Variants in TENM4 observed in about 807,000 individuals in gnomAD.
The protein encoded by TENM4 is teneurin-4.
TENM4 carries 82 observed loss-of-function variants against 243.3 expected under a neutral mutation model. The observed-to-expected ratio is 0.34, with a 90% CI of 0.28 to 0.40. TENM4 has a LOEUF of 0.40. Among genes scored for constraint, TENM4 ranks in the 10% least tolerant of loss-of-function variants. The probability of loss-of-function intolerance (pLI) is 1.00; values close to 1 mark genes in which losing one functional copy is unlikely to be tolerated. For synonymous variants in TENM4, 1,412 were observed against 1,456.3 expected (o/e 0.97, Z 0.69); for missense variants, 3,138 against 3,673.3 (o/e 0.85, Z 3.77).
intron 2 of TENM4, among the ~76,000 whole-genome samples, chr11:79,261,741 A>G (rs796810736): frequency 2.0e-5 from 3 of 152,288 alleles, no homozygotes; most frequent in African/African-American, 7.2e-5. Context: ...GAAACCATTT[A>G]AAAAGCACAG....
intron 6 of TENM4, among the ~76,000 whole-genome samples, chr11:79,033,848 T>C (rs976073275): frequency 6.6e-6 from 1 of 152,238 alleles, no homozygotes; most frequent in African/African-American, 2.4e-5. Flanking sequence ...CCTAAAAAGA[T>C]ACAAATAAAC....
At chr11:78,703,513 T>A (rs1262022414) in intron 27 of TENM4, among the ~76,000 whole-genome samples, 2 of 152,128 alleles carry the variant, frequency 1.3e-5, no homozygotes, top group Non-Finnish European at 2.9e-5. Flanking sequence ...GAAACTGGCA[T>A]AGGTCATGGT....
intron 6 of TENM4, among the ~76,000 whole-genome samples, chr11:79,038,720 G>C (rs1301825579): frequency 6.6e-6 from 1 of 152,226 alleles, no homozygotes; most frequent in Non-Finnish European, 1.5e-5. Context: ...AACAGAGAAA[G>C]CCAAGACCTC....
chr11:78,995,707 T>C (rs1338039235), intron 6 of TENM4, among the ~76,000 whole-genome samples: 1 of 151,580 alleles, frequency 6.6e-6, no homozygotes, highest in Non-Finnish European at 1.5e-5. Flanking sequence ...TTTTTTTTTT[T>C]CTTAATATAT....
chr11:79,242,727 A>C (rs1456624522), intron 2 of TENM4, among the ~76,000 whole-genome samples: 1 of 152,228 alleles, frequency 6.6e-6, no homozygotes, highest in African/African-American at 2.4e-5. Context: ...TTTTTCACTC[A>C]CATAAATAAA....
chr11:79,146,173 A>C (rs564535191), intron 4 of TENM4, among the ~76,000 whole-genome samples: 2 of 152,006 alleles, frequency 1.3e-5, no homozygotes, highest in Non-Finnish European at 2.9e-5. Flanking sequence ...ACAACCCACA[A>C]TTTGAAGCAC....
intron 12 of TENM4, among the ~76,000 whole-genome samples, chr11:78,850,698 G>A (rs1858515165): frequency 6.6e-6 from 1 of 152,212 alleles, no homozygotes; most frequent in Non-Finnish European, 1.5e-5. Flanking sequence ...AAAGGTGGAA[G>A]GAGAAAGAGG....
intron 12 of TENM4, among the ~76,000 whole-genome samples, chr11:78,846,056 G>A (rs1447774158): frequency 1.3e-5 from 2 of 152,168 alleles, no homozygotes; most frequent in African/African-American, 2.4e-5. Context: ...AGGGTATAAA[G>A]ACACACATGG....
chr11:78,750,758 C>T (rs1466882378), intron 19 of TENM4, among the ~76,000 whole-genome samples: 1 of 152,184 alleles, frequency 6.6e-6, no homozygotes, highest in African/African-American at 2.4e-5. Flanking sequence ...GCATGGGACC[C>T]ACAAAGAGCC....
intron 6 of TENM4, among the ~76,000 whole-genome samples, chr11:79,032,136 T>C (rs1362508249): frequency 6.6e-6 from 1 of 152,218 alleles, no homozygotes; most frequent in African/African-American, 2.4e-5. Context: ...TATAAGCAGA[T>C]AACTACCATC....
At chr11:79,136,860 C>T (rs1037923951) in intron 4 of TENM4, among the ~76,000 whole-genome samples, 2 of 152,148 alleles carry the variant, frequency 1.3e-5, no homozygotes, top group Non-Finnish European at 2.9e-5. Flanking sequence ...CATCCTAAAG[C>T]AGCTGGATTG....
intron 3 of TENM4, among the ~76,000 whole-genome samples, chr11:79,159,472 TC>T (rs1223446852): frequency 6.6e-6 from 1 of 152,222 alleles, no homozygotes; most frequent in Non-Finnish European, 1.5e-5. Context: ...TTTTCAAATG[TC>T]TTGTTTTCAA....
intron 1 of TENM4, among the ~76,000 whole-genome samples, chr11:79,436,835 C>G (rs1859281161): frequency 6.6e-6 from 1 of 152,196 alleles, no homozygotes; most frequent in African/African-American, 2.4e-5. Context: ...CCAAAGCTCT[C>G]CGTCCCTGAT....
intron 1 of TENM4, among the ~76,000 whole-genome samples, chr11:79,325,871 A>C (rs1438855589): frequency 3.3e-5 from 5 of 152,178 alleles, no homozygotes; most frequent in African/African-American, 7.2e-5. Flanking sequence ...TACCATCCTT[A>C]AGAGAGCATG....
chr11:79,016,617 T>C (rs9804612), intron 6 of TENM4, among the ~76,000 whole-genome samples: 48,313 of 152,060 alleles, frequency 0.32, 8,973 homozygotes, highest in Non-Finnish European at 0.42. Flanking sequence ...ATTTAAAGCA[T>C]GGAAACGAGA....
chr11:78,922,254 G>A (rs573555721), intron 6 of TENM4, among the ~76,000 whole-genome samples: 1 of 152,340 alleles, frequency 6.6e-6, no homozygotes, highest in South Asian at 2.1e-4. Flanking sequence ...GACAGCATGA[G>A]GAAAGGCAGG....
intron 1 of TENM4, among the ~76,000 whole-genome samples, chr11:79,362,594 A>G (rs1857608568): frequency 6.6e-6 from 1 of 152,234 alleles, no homozygotes; most frequent in Admixed American, 6.5e-5. Flanking sequence ...TGAACAAAGC[A>G]ATGCCTGGGG....
intron 6 of TENM4, among the ~76,000 whole-genome samples, chr11:78,918,587 A>G (rs138594665): frequency 2.0e-5 from 3 of 152,292 alleles, no homozygotes; most frequent in African/African-American, 7.2e-5. Flanking sequence ...TGCCTAATTT[A>G]TACAGCCCAG....
chr11:78,737,463 C>T (rs1046337496), intron 20 of TENM4, among the ~76,000 whole-genome samples: 2 of 152,200 alleles, frequency 1.3e-5, no homozygotes, highest in African/African-American at 2.4e-5. Context: ...ACTTCATTAT[C>T]ACCTCGGCCG....
Sources: allele counts gnomAD v4.1 joint callset (sites outside exome capture counted in the v4.1 genomes callset), GRCh38; gene constraint gnomAD v4.1.1; transcripts MANE v1.5; gene names NCBI Gene and HGNC (gene_info 2026-07-23, HGNC 2026-07-21).